EPHA5: variants seen among roughly 807,000 people sequenced by gnomAD.
EPHA5 encodes the protein EPH receptor A5.
EPHA5 carries 60 observed loss-of-function variants against 105.0 expected under a neutral mutation model. That is an observed-to-expected ratio of 0.57 (90% CI 0.46 to 0.71). The LOEUF (loss-of-function observed/expected upper bound fraction) is 0.71. Among genes scored for constraint, EPHA5 ranks in the 30% least tolerant of loss-of-function variants. The pLI is 0.00. For synonymous variants in EPHA5, 513 were observed against 449.1 expected (o/e 1.14, Z -1.80); for missense variants, 1,218 against 1,274.7 (o/e 0.96, Z 0.68).
At chr4:65,576,047 A>AAAGAAAGAAAGG (rs1740922643) in intron 3 of EPHA5, among the ~76,000 whole-genome samples, 2 of 108,598 alleles carry the variant, frequency 1.8e-5, no homozygotes, top group Admixed American at 1.1e-4. Context: ...AGAAAGAAAG[A>AAAGAAAGAAAGG]AAGAAAGAAA....
intron 4 of EPHA5, among the ~76,000 whole-genome samples, chr4:65,491,979 A>G (rs1731444387): frequency 6.6e-6 from 1 of 152,170 alleles, no homozygotes. Context: ...CAATTTGGAC[A>G]TCTCTCCTTA....
chr4:65,381,832 C>T (rs1256228757), intron 8 of EPHA5, among the ~76,000 whole-genome samples: 2 of 151,646 alleles, frequency 1.3e-5, no homozygotes, highest in African/African-American at 4.8e-5. Flanking sequence ...CTTGTCCCTT[C>T]CCTCCATATA....
chr4:65,399,469 C>A (rs1721598106), intron 8 of EPHA5, among the ~76,000 whole-genome samples: 1 of 152,168 alleles, frequency 6.6e-6, no homozygotes, highest in Non-Finnish European at 1.5e-5. Context: ...AAAACTCAGG[C>A]AAAGGTGCCC....
At chr4:65,435,067 A>G (rs1246955094) in intron 5 of EPHA5, among the ~76,000 whole-genome samples, 1 of 152,148 alleles carries the variant, frequency 6.6e-6, no homozygotes, top group Non-Finnish European at 1.5e-5. Flanking sequence ...ATTTGCCATT[A>G]ACTGTCAATA....
chr4:65,337,779 C>T (rs1721325228), intron 14 of EPHA5, among the ~76,000 whole-genome samples: 1 of 151,894 alleles, frequency 6.6e-6, no homozygotes, highest in Admixed American at 6.6e-5. Flanking sequence ...CAGCACTTGG[C>T]CACAGCTGAT....
At chr4:65,570,860 A>C (rs1740060078) in intron 3 of EPHA5, among the ~76,000 whole-genome samples, 1 of 152,044 alleles carries the variant, frequency 6.6e-6, no homozygotes, top group Non-Finnish European at 1.5e-5. Context: ...TTTAATAACA[A>C]ACTTAAGTTT....
chr4:65,414,468 T>TA (rs763254831), intron 6 of EPHA5, 25 bp from the exon 7 acceptor site: 4 of 1,605,980 alleles, frequency 2.5e-6, no homozygotes, highest in African/African-American at 2.7e-5. Flanking sequence ...GCATATACAA[T>TA]AAAAAAGACA....
At position 65,385,963 on chromosome 4, in the gene EPHA5, C is replaced by T. The variant is rs1041389368; in HGVS notation, c.1793+18411G>A. 2.6e-5 allele frequency among the ~76,000 whole-genome samples: 4 copies of T among 151,832 alleles called. No homozygotes were observed. The East Asian group carries it at 5.8e-4, about 22-fold the overall frequency. On this transcript the variant is annotated intron_variant, in intron 8 of 16. Coordinates refer to ENST00000613740, the MANE Select transcript of EPHA5 (RefSeq NM_001281766.3). ...CGTGTAGCTGCTTATTTAGTACATG[C>T]TACATGTAGAAACCTATAAGATTTT...
At chr4:65,559,626 TC>T (rs1159947230) in intron 3 of EPHA5, among the ~76,000 whole-genome samples, 1 of 152,006 alleles carries the variant, frequency 6.6e-6, no homozygotes, top group Admixed American at 6.6e-5. Context: ...TTAAGTAGGG[TC>T]CCCTACTGTG....
chr4:65,661,092 A>C (rs967839906), intron 1 of EPHA5, among the ~76,000 whole-genome samples: 1 of 152,216 alleles, frequency 6.6e-6, no homozygotes, highest in African/African-American at 2.4e-5. Context: ...TATATGAAGT[A>C]GGCAGTACCA....
intron 16 of EPHA5, among the ~76,000 whole-genome samples, chr4:65,326,919 G>A (rs1443015090): frequency 1.2e-4 from 18 of 151,148 alleles, no homozygotes; most frequent in Admixed American, 1.1e-3. Context: ...TTTCAAACAT[G>A]GAATTTATAC....
intron 3 of EPHA5, among the ~76,000 whole-genome samples, chr4:65,553,365 G>A (rs1319416999): frequency 6.6e-6 from 1 of 151,946 alleles, no homozygotes; most frequent in Non-Finnish European, 1.5e-5. Context: ...TACCTTGAAG[G>A]ACAACCTGGC....
intron 5 of EPHA5, among the ~76,000 whole-genome samples, chr4:65,463,042 T>A (rs929950399): frequency 2.6e-5 from 4 of 152,196 alleles, no homozygotes; most frequent in African/African-American, 9.6e-5. Context: ...TAAATTCTGT[T>A]TAAAGTATTT....
intron 14 of EPHA5, among the ~76,000 whole-genome samples, chr4:65,341,411 A>G (rs1721705149): frequency 6.6e-6 from 1 of 152,092 alleles, no homozygotes; most frequent in East Asian, 1.9e-4. Flanking sequence ...AGAAATCATC[A>G]TCGCTACACT....
intron 7 of EPHA5, among the ~76,000 whole-genome samples, chr4:65,406,515 C>G (rs1196471818): frequency 6.6e-6 from 1 of 151,378 alleles, no homozygotes; most frequent in Non-Finnish European, 1.5e-5. Context: ...ATATTCTCTT[C>G]CCACAGCAAT....
rs1439466692 is a variant in EPHA5, at chr4:65,533,234, T to C, written c.911-37691A>G. ...CTTGCTGCTTAAGGCTTAAGGAATG[T>C]TAAAAAAATTAATTTAATTATTATA... On this transcript the variant is annotated intron_variant, in intron 3 of 16. Transcript: ENST00000613740. Among the ~76,000 whole-genome samples, 3 of 152,184 alleles carry C rather than the reference T, an allele frequency of 2.0e-5. No individual in the cohort carries two copies. The East Asian group carries it at 5.8e-4, about 29-fold the overall frequency.
At chr4:65,572,706 T>A (rs1740319788) in intron 3 of EPHA5, among the ~76,000 whole-genome samples, 1 of 152,212 alleles carries the variant, frequency 6.6e-6, no homozygotes, top group South Asian at 2.1e-4. Flanking sequence ...CAAGAGAGCA[T>A]GTCCTTTACT....
chr4:65,572,318 A>T (rs1310460992), intron 3 of EPHA5, among the ~76,000 whole-genome samples: 1 of 152,164 alleles, frequency 6.6e-6, no homozygotes, highest in Non-Finnish European at 1.5e-5. Flanking sequence ...TATTTATGAC[A>T]ATATCACCAC....
intron 2 of EPHA5, among the ~76,000 whole-genome samples, chr4:65,624,611 G>A (rs190307950): frequency 4.6e-5 from 7 of 152,190 alleles, no homozygotes; most frequent in African/African-American, 1.4e-4. Flanking sequence ...TAAACACAAT[G>A]GTCATTTAAA....
Sources: allele counts gnomAD v4.1 joint callset (sites outside exome capture counted in the v4.1 genomes callset), GRCh38; gene constraint gnomAD v4.1.1; transcripts MANE v1.5; gene names NCBI Gene and HGNC (gene_info 2026-07-23, HGNC 2026-07-21).